UNC5A: variants seen among roughly 807,000 people sequenced by gnomAD.
The protein encoded by UNC5A is netrin receptor UNC5A.
UNC5A carries 20 observed loss-of-function variants against 87.4 expected under a neutral mutation model. The observed-to-expected ratio is 0.23, with a 90% confidence interval of 0.16 to 0.33. UNC5A has a LOEUF of 0.33. Ranked by LOEUF, UNC5A falls within the 10% of genes least tolerant of loss-of-function variation. UNC5A has a pLI of 1.00. For synonymous variants in UNC5A, 438 were observed against 482.3 expected, an observed-to-expected ratio of 0.91 and a Z score of 1.20; for missense variants, 844 against 1,133.4, an observed-to-expected ratio of 0.74 and a Z score of 3.67.
In UNC5A at chr5:176,824,046, C is replaced by G. The variant is rs141119652; in HGVS notation, c.70+13226C>G. Among the ~76,000 whole-genome samples, 690 of 152,334 alleles carry G rather than the reference C, an allele frequency of 4.5e-3. 3 individuals are homozygous for G. Among genetic ancestry groups the G allele is most frequent in the South Asian group, 8.5e-3 (41 of 4,832 alleles). Reference sequence around the variant, plus strand: ...CCAGCTGGCGAATGGTCCCGGAGATCCTGGGCACATGATTGGGCCAGGCTG... The same window carrying G: ...CCAGCTGGCGAATGGTCCCGGAGATGCTGGGCACATGATTGGGCCAGGCTG... On this transcript the variant is annotated intron_variant, in intron 1 of 14. Transcript: ENST00000329542. The surrounding 1 kb of genome is among the most constrained non-coding windows in gnomAD (Gnocchi z 4.2).
chr5:176,864,540 C>T (rs140086391), intron 2 of UNC5A, among the ~76,000 whole-genome samples: 340 of 152,336 alleles, frequency 2.2e-3, no homozygotes, highest in African/African-American at 7.7e-3. Context: ...TGTCATTTTA[C>T]GGTTGAGACT....
At chr5:176,851,010 G>T (rs895679424) in intron 1 of UNC5A, among the ~76,000 whole-genome samples, 4 of 150,904 alleles carry the variant, frequency 2.7e-5, no homozygotes, top group African/African-American at 9.7e-5. Flanking sequence ...GGGGTCCCTG[G>T]GCCACCCCAT....
rs959972788 is a variant in UNC5A at position 176,879,750 on chromosome 5, G to A, written c.2393G>A (p.Ser798Asn). 6.2e-7 allele frequency: 1 copy of A among 1,613,304 alleles called. No homozygotes were observed. ...CTCAGCTTCTTTGCCTCCAAGCCCA[G>A]CCCCACAGCCATGATCCTCAACCTG... ...SHLSFFASKP[S>N]PTAMILNLWE... The change falls in exon 15 of 15, where the codon AGC becomes AAC. Residue 798 changes from serine (S) to asparagine (N), a missense_variant. By Grantham distance (46) the Ser-to-Asn change is conservative (BLOSUM62 1). Around this residue, in one of 3 missense-constraint regions of UNC5A, gnomAD observed 177 missense variants for 279.4 expected, o/e 0.63. Coordinates refer to ENST00000329542, the MANE Select transcript of UNC5A (RefSeq NM_133369.3).
At chr5:176,819,739 A>G (rs1756682090) in intron 1 of UNC5A, among the ~76,000 whole-genome samples, 1 of 152,240 alleles carries the variant, frequency 6.6e-6, no homozygotes, top group Admixed American at 6.5e-5. Context: ...GATTATGCAG[A>G]TTAGGTTGGG....
chr5:176,839,784 C>T (rs1466484409), intron 1 of UNC5A, among the ~76,000 whole-genome samples: 1 of 151,484 alleles, frequency 6.6e-6, no homozygotes, highest in African/African-American at 2.4e-5. Flanking sequence ...ACTCCTTTCC[C>T]ACTGTGGCTT....
chr5:176,879,608 G>A, intron 14 of UNC5A, 113 bp from the exon 15 acceptor site: 2 of 1,547,742 alleles, frequency 1.3e-6, no homozygotes, highest in South Asian at 2.5e-5. Context: ...TAGTGGCCGG[G>A]GCAGTCATTG....
chr5:176,819,735 G>A (rs948787786), intron 1 of UNC5A, among the ~76,000 whole-genome samples: 1 of 152,224 alleles, frequency 6.6e-6, no homozygotes, highest in African/African-American at 2.4e-5. Flanking sequence ...GTAGGATTAT[G>A]CAGATTAGGT....
chr5:176,845,092 C>T (rs998948156), intron 1 of UNC5A, among the ~76,000 whole-genome samples: 10 of 152,168 alleles, frequency 6.6e-5, no homozygotes, highest in African/African-American at 1.7e-4. Context: ...CTTCTGCTCC[C>T]GCCCTGCCTC....
At chr5:176,812,543 C>T (rs116758581) in intron 1 of UNC5A, among the ~76,000 whole-genome samples, 3,623 of 152,092 alleles carry the variant, frequency 0.024, 107 homozygotes, top group African/African-American at 0.069. Flanking sequence ...CACAGGTGAG[C>T]GTGTACAGAT....
At position 176,874,555 on chromosome 5, in the gene UNC5A, T is replaced by A; in HGVS notation, c.1367T>A (p.Ile456Asn). 3 of 1,556,314 alleles carry A rather than the reference T, an allele frequency of 1.9e-6. No individual in the cohort carries two copies. Among genetic ancestry groups the A allele is most frequent in the Non-Finnish European group, 2.6e-6 (3 of 1,146,302 alleles). Residue 456 changes from isoleucine to asparagine, a missense_variant, in exon 8 of 15, where the codon ATC becomes AAC. Around this residue, in one of 3 missense-constraint regions of UNC5A, gnomAD observed 353 missense variants for 387.5 expected, o/e 0.91. Coordinates refer to ENST00000329542, the MANE Select transcript of UNC5A (RefSeq NM_133369.3). The surrounding 1 kb of genome is among the most constrained non-coding windows in gnomAD (Gnocchi z 7.6). Reference protein sequence around the residue: ...TFNFLGGRLMIPNTGISLLIP... With the variant: ...TFNFLGGRLMNPNTGISLLIP... ...AACTTCCTCGGGGGCCGGCTGATGATCCCTAATACAGGTAGGAAGGACCCC... is the reference window on the plus strand; with the variant it reads ...AACTTCCTCGGGGGCCGGCTGATGAACCCTAATACAGGTAGGAAGGACCCC...
rs1758209466 is a variant in UNC5A, at chr5:176,874,389, AGCCCC to A, written c.1202_1206del (p.Ser401ThrfsTer16). The A allele has an allele frequency of 6.2e-7, 1 of 1,613,518 alleles. No homozygotes were observed. Among genetic ancestry groups the A allele is most frequent in the Non-Finnish European group, 8.5e-7 (1 of 1,179,950 alleles). Reference sequence around the variant, plus strand: ...CCAGCTCACCAATGGGCACCTGCTCAGCCCCCTGGGTGGCGGCCGCCACACACTGC... The same window carrying A: ...CCAGCTCACCAATGGGCACCTGCTCACTGGGTGGCGGCCGCCACACACTGC... On this transcript the variant is annotated frameshift_variant, in exon 8 of 15. Transcript: ENST00000329542. LOFTEE classifies it high-confidence loss of function. The surrounding 1 kb of genome is among the most constrained non-coding windows in gnomAD (Gnocchi z 7.6).
At chr5:176,817,899 C>A (rs1034942212) in intron 1 of UNC5A, among the ~76,000 whole-genome samples, 3 of 151,906 alleles carry the variant, frequency 2.0e-5, no homozygotes, top group Admixed American at 6.6e-5. Context: ...GCTGCAAACT[C>A]CGGCGGCCAA....
Position 176,865,794 on chromosome 5 carries a change from T to A in UNC5A, c.293-2336T>A, listed in dbSNP as rs1371353430. The A allele has an allele frequency of 1.5e-5, 6 of 407,556 alleles. No homozygotes were observed. The highest frequency in any genetic ancestry group is 5.6e-5 in the Admixed American group (2 of 35,740). The allele number at this position is 407,556 out of a possible 1,614,324, so 25.2% of individuals were successfully genotyped here. On this transcript the variant is annotated intron_variant, in intron 2 of 14. Transcript: ENST00000329542. The surrounding 1 kb of genome is among the most constrained non-coding windows in gnomAD (Gnocchi z 5.3). ...ATGTGTGGGGCTGGAGGTGGCCGGA[T>A]GGACACCCAGGAGAGCACCTACTTC...
chr5:176,842,825 A>G (rs1442727892), intron 1 of UNC5A, among the ~76,000 whole-genome samples: 18 of 152,140 alleles, frequency 1.2e-4, no homozygotes. Context: ...ACCGAATACC[A>G]CCTGTTCCCC....
At chr5:176,827,262 A>C (rs1460941420) in intron 1 of UNC5A, among the ~76,000 whole-genome samples, 6 of 142,486 alleles carry the variant, frequency 4.2e-5, no homozygotes, top group Non-Finnish European at 9.0e-5. Context: ...GGCTCACTGC[A>C]ACCTCCGCCT....
In UNC5A at chr5:176,878,055, G is replaced by A. The variant is rs1380046859; in HGVS notation, c.1797G>A (p.Ala599=). 6 of 1,609,630 alleles carry A rather than the reference G, an allele frequency of 3.7e-6. No individual in the cohort carries two copies. Among genetic ancestry groups the A allele is most frequent in the Middle Eastern group, 1.6e-4 (1 of 6,062 alleles). Residue 599 remains alanine, a synonymous_variant, in exon 11 of 15, where the codon GCG becomes GCA. Coordinates refer to ENST00000329542, the MANE Select transcript of UNC5A (RefSeq NM_133369.3). ...AGCGCCTCAAGCTGCTTCTGTTTGCGCCGGTGGCCTGCACCTCCCTCGAGT... is the reference window on the plus strand; with the variant it reads ...AGCGCCTCAAGCTGCTTCTGTTTGCACCGGTGGCCTGCACCTCCCTCGAGT... ...AAKRLKLLLF[A]PVACTSLEYN... is the part of the protein sequence containing the mutation.
chr5:176,843,729 C>T (rs931943306), intron 1 of UNC5A, among the ~76,000 whole-genome samples: 2 of 152,246 alleles, frequency 1.3e-5, no homozygotes, highest in African/African-American at 4.8e-5. Context: ...CCTGACCCAC[C>T]GGGCTGCGCC....
At chr5:176,832,854 C>T (rs1452836343) in intron 1 of UNC5A, among the ~76,000 whole-genome samples, 1 of 152,192 alleles carries the variant, frequency 6.6e-6, no homozygotes, top group Non-Finnish European at 1.5e-5. Context: ...TCCAGATGAT[C>T]TCCAGATGAG....
chr5:176,878,116 G>A lies in UNC5A; in HGVS notation c.1858G>A (p.Asp620Asn), dbSNP rs544912851. The A allele has an allele frequency of 2.5e-5, 40 of 1,608,602 alleles. No homozygotes were observed. Among genetic ancestry groups the A allele is most frequent in the Non-Finnish European group, 3.4e-5 (40 of 1,179,852 alleles). Residue 620 changes from aspartate (D) to asparagine (N), a missense_variant, in exon 11 of 15, where the codon GAT becomes AAT. By Grantham distance (23) the Asp-to-Asn change is conservative. This residue lies in a region of UNC5A where 353 missense variants were observed against 387.5 expected (regional missense o/e 0.91). Transcript: ENST00000329542. ...GGTCTACTGCCTGCATGACACCCAC[G>A]ATGCACTCAAGGTATCTCCCGCCCC... ...IRVYCLHDTH[D>N]ALKEVVQLEK... is the part of the protein sequence containing the mutation.
Sources: gnomAD v4.1 joint callset for allele counts (sites outside exome capture counted in the v4.1 genomes callset) on GRCh38, gnomAD v4.1.1 for gene constraint, gnomAD v4.1.1 regional missense constraint, Gnocchi (gnomAD v3.1) non-coding constraint, MANE v1.5 for transcripts, NCBI Gene and HGNC (gene_info 2026-07-23, HGNC 2026-07-21) for gene names.